Variants in NAV1 observed in about 807,000 individuals in gnomAD.
NAV1 encodes neuron navigator 1, also known as pore membrane and/or filament interacting like protein 3.
NAV1 carries 18 observed loss-of-function variants against 175.2 expected under a neutral mutation model. The observed-to-expected ratio is 0.10, with a 90% CI of 0.07 to 0.15. NAV1 has a LOEUF of 0.15. Among genes scored for constraint, NAV1 ranks in the 10% least tolerant of loss-of-function variants. The probability of loss-of-function intolerance (pLI) is 1.00; values close to 1 mark genes in which losing one functional copy is unlikely to be tolerated. For missense variants in NAV1, 1,731 were observed against 2,436.6 expected (o/e 0.71, Z 6.10); for synonymous variants, 897 against 978.7 (o/e 0.92, Z 1.56).
intron 3 of NAV1, among the ~76,000 whole-genome samples, chr1:201,734,003 G>A (rs1241787563): frequency 6.6e-6 from 1 of 152,208 alleles, no homozygotes; most frequent in African/African-American, 2.4e-5. Flanking sequence ...AGGGACACCA[G>A]GGGAACCAGG....
At position 201,580,010 on chromosome 1, in the gene NAV1, G is replaced by A. The variant is rs576460357; in HGVS notation, c.-143-8529G>A. On this transcript the variant is annotated intron_variant, in intron 1 of 33. Coordinates refer to the NAV1 transcript ENST00000685211. ...AGGCCAAAGGCCTGAGAAACTGGGGGGAAGGGTGGTCTCTGGCGCAAATCC... is the reference window on the plus strand; with the variant it reads ...AGGCCAAAGGCCTGAGAAACTGGGGAGAAGGGTGGTCTCTGGCGCAAATCC... Among the ~76,000 whole-genome samples, 6 of 152,314 alleles carry A rather than the reference G, an allele frequency of 3.9e-5. No homozygotes were observed. The East Asian group carries it at 1.2e-3, about 29-fold the overall frequency.
intron 1 of NAV1, among the ~76,000 whole-genome samples, chr1:201,679,757 C>A (rs755161055): frequency 1.3e-5 from 2 of 152,184 alleles, no homozygotes; most frequent in Non-Finnish European, 2.9e-5. Flanking sequence ...TGGTTCCTGG[C>A]CACTGCACTC....
exon 1 of NAV1, chr1:201,649,044 G>T (rs750081985): frequency 6.8e-6 from 11 of 1,613,538 alleles, no homozygotes; most frequent in Non-Finnish European, 9.3e-6. Context: ...AGGCAAGGTG[G>T]GGTCCAAGGG....
chr1:201,582,178 GA>G (rs1319636949), intron 1 of NAV1, among the ~76,000 whole-genome samples: 1 of 152,234 alleles, frequency 6.6e-6, no homozygotes, highest in African/African-American at 2.4e-5. Context: ...CACCACAAAT[GA>G]GACTGAGAAG....
At chr1:201,714,284 T>C (rs1672041645) in intron 2 of NAV1, among the ~76,000 whole-genome samples, 1 of 152,242 alleles carries the variant, frequency 6.6e-6, no homozygotes, top group South Asian at 2.1e-4. Context: ...CACTTAGTCT[T>C]AAGTAGCTTT....
intron 2 of NAV1, among the ~76,000 whole-genome samples, chr1:201,606,530 T>A (rs1054004112): frequency 5.3e-5 from 8 of 152,194 alleles, no homozygotes; most frequent in Admixed American, 1.3e-4. Flanking sequence ...AAGAGCATCT[T>A]TGCGTCTCCA....
At chr1:201,719,287 G>A (rs974775394) in intron 3 of NAV1, among the ~76,000 whole-genome samples, 4 of 152,020 alleles carry the variant, frequency 2.6e-5, no homozygotes, top group Non-Finnish European at 5.9e-5. Flanking sequence ...CTTTGCCAGG[G>A]GTTCGTAACC....
intron 1 of NAV1, among the ~76,000 whole-genome samples, chr1:201,560,133 C>G (rs1390894950): frequency 6.6e-6 from 1 of 152,150 alleles, no homozygotes; most frequent in East Asian, 1.9e-4. Flanking sequence ...AAAAAACTCT[C>G]CTATTCTTGA....
chr1:201,635,021 AT>A (rs1326727395), intron 2 of NAV1, among the ~76,000 whole-genome samples: 1 of 151,820 alleles, frequency 6.6e-6, no homozygotes, highest in Non-Finnish European at 1.5e-5. Context: ...CCAATTGACA[AT>A]TTTTGTTTTG....
chr1:201,784,721 A>T (rs1370595814), intron 7 of NAV1, among the ~76,000 whole-genome samples: 1 of 151,676 alleles, frequency 6.6e-6, no homozygotes, highest in African/African-American at 2.4e-5. Flanking sequence ...GATCTTTTAA[A>T]TAACTAACTA....
chr1:201,548,067 C>T (rs1432983374), intron 1 of NAV1, among the ~76,000 whole-genome samples: 1 of 152,232 alleles, frequency 6.6e-6, no homozygotes, highest in Non-Finnish European at 1.5e-5. Context: ...GCTGAAATTA[C>T]AGGCGTGAGC....
At chr1:201,609,348 C>G (rs1667781730) in intron 2 of NAV1, among the ~76,000 whole-genome samples, 2 of 152,234 alleles carry the variant, frequency 1.3e-5, no homozygotes, top group South Asian at 4.1e-4. Flanking sequence ...TCTCCAAATG[C>G]CAGGCTCTGC....
chr1:201,797,372 T>C (rs1677521352), intron 15 of NAV1: 1 of 152,238 alleles, frequency 6.6e-6, no homozygotes, highest in African/African-American at 2.4e-5. Context: ...TCTATTCCAT[T>C]CTTCTATATG....
intron 3 of NAV1, among the ~76,000 whole-genome samples, chr1:201,725,347 G>A (rs2102502562): frequency 6.6e-6 from 1 of 152,286 alleles, no homozygotes; most frequent in African/African-American, 2.4e-5. Flanking sequence ...TTTTGCTCAT[G>A]GAACCCAAGG....
intron 1 of NAV1, among the ~76,000 whole-genome samples, chr1:201,665,586 C>G (rs1239230728): frequency 2.2e-5 from 2 of 89,500 alleles, no homozygotes; most frequent in African/African-American, 4.6e-5. Context: ...GGCAAGAGCA[C>G]CCCACCCCCC....
At position 201,589,517 on chromosome 1, in the gene NAV1, G is replaced by A. The variant is rs529814231; in HGVS notation, c.-33+868G>A. ...TTTGTTTTTCGTTTTTTTGAGAAGAGGCCTTACTCAGTCTCCTAGGCTGAA... is the reference window on the plus strand; with the variant it reads ...TTTGTTTTTCGTTTTTTTGAGAAGAAGCCTTACTCAGTCTCCTAGGCTGAA... On this transcript the variant is annotated intron_variant, in intron 2 of 33. Transcript: ENST00000685211. Among the ~76,000 whole-genome samples the A allele has an allele frequency of 2.0e-5, 3 of 152,048 alleles. No homozygotes were observed. The South Asian group carries it at 6.2e-4, about 32-fold the overall frequency.
chr1:201,675,710 C>T lies in NAV1; in HGVS notation c.757+26285C>T, dbSNP rs114082103. On this transcript the variant is annotated intron_variant, in intron 1 of 29. Coordinates refer to ENST00000367296, the Ensembl canonical transcript of NAV1. The stretch of plus-strand genomic sequence containing the variant: ...ACAAAGCGATGGAATTTGAGGGGTA[C>T]AACCCCTACAGTTCTGTCCAAATTC... Among the ~76,000 whole-genome samples the T allele has an allele frequency of 2.8e-3, 427 of 152,290 alleles. 2 individuals carry two copies. The highest frequency in any genetic ancestry group is 0.027 in the Middle Eastern group (8 of 294).
At chr1:201,805,740 T>C (rs188287379) in intron 17 of NAV1, among the ~76,000 whole-genome samples, 67 of 152,018 alleles carry the variant, frequency 4.4e-4, no homozygotes, top group African/African-American at 1.5e-3. Context: ...CTGGGCAACA[T>C]AGTGAAATCC....
intron 2 of NAV1, among the ~76,000 whole-genome samples, chr1:201,590,494 A>G (rs566698111): frequency 6.6e-6 from 1 of 152,340 alleles, no homozygotes; most frequent in African/African-American, 2.4e-5. Flanking sequence ...TACCATCACA[A>G]TTATGATTTA....
Sources: allele counts gnomAD v4.1 joint callset (sites outside exome capture counted in the v4.1 genomes callset), GRCh38; gene constraint gnomAD v4.1.1; transcripts MANE v1.5; gene names NCBI Gene and HGNC (gene_info 2026-07-23, HGNC 2026-07-21).